Variants in PID1 observed in about 807,000 individuals in gnomAD.
PID1 encodes the protein PTB-containing, cubilin and LRP1-interacting protein.
PID1 carries 10 observed loss-of-function variants against 19.1 expected under a neutral mutation model. That is an observed-to-expected ratio of 0.52 (90% CI 0.32 to 0.89). The LOEUF is 0.89. PID1 is among the 40% of genes least tolerant of loss of function. The pLI is 0.03. For synonymous variants in PID1, 130 were observed against 116.0 expected, an observed-to-expected ratio of 1.12 and a Z score of -0.78; for missense variants, 248 against 285.3, an observed-to-expected ratio of 0.87 and a Z score of 0.94.
At chr2:229,069,420 C>T (rs1304362403) in intron 2 of PID1, among the ~76,000 whole-genome samples, 1 of 151,994 alleles carries the variant, frequency 6.6e-6, no homozygotes, top group Non-Finnish European at 1.5e-5. Flanking sequence ...AGATGAGTCA[C>T]AGGGCCAGAA....
intron 1 of PID1, among the ~76,000 whole-genome samples, chr2:229,248,888 C>T (rs970393226): frequency 5.9e-5 from 9 of 152,014 alleles, no homozygotes. Context: ...CTGAGCACTT[C>T]CTTGCTTTCT....
intron 2 of PID1, among the ~76,000 whole-genome samples, chr2:229,032,531 C>A (rs904498043): frequency 2.6e-5 from 4 of 152,184 alleles, no homozygotes; most frequent in African/African-American, 7.2e-5. Flanking sequence ...TAAAATTGGT[C>A]ACAAAATGTG....
intron 2 of PID1, among the ~76,000 whole-genome samples, chr2:229,144,003 C>T (rs1690073502): frequency 6.6e-6 from 1 of 152,064 alleles, no homozygotes; most frequent in Non-Finnish European, 1.5e-5. Context: ...ATATCTGAAT[C>T]AAATAGGATC....
At chr2:229,261,520 C>G (rs1675298376) in intron 1 of PID1, among the ~76,000 whole-genome samples, 1 of 152,178 alleles carries the variant, frequency 6.6e-6, no homozygotes, top group African/African-American at 2.4e-5. Flanking sequence ...GTGAAACCAT[C>G]AAAGCATGCA....
intron 2 of PID1, among the ~76,000 whole-genome samples, chr2:229,128,046 T>G (rs1362249): frequency 0.022 from 3,279 of 152,164 alleles, 113 homozygotes; most frequent in African/African-American, 0.075. Flanking sequence ...ATGGCAGGGC[T>G]GTGTGTGTCT....
At chr2:229,145,155 G>GTGTTTGTGTGTATATACATATATATATA (rs1391018424) in intron 2 of PID1, among the ~76,000 whole-genome samples, 1 of 119,968 alleles carries the variant, frequency 8.3e-6, no homozygotes, top group African/African-American at 3.2e-5. Context: ...ATATGTATGT[G>GTGTTTGTGTGTATATACATATATATATA]TATATATATA....
intron 2 of PID1, among the ~76,000 whole-genome samples, chr2:229,098,660 C>T (rs1411814605): frequency 1.3e-5 from 2 of 152,148 alleles, no homozygotes; most frequent in Non-Finnish European, 2.9e-5. Context: ...CCTTTCTCAA[C>T]CCATTGTCTA....
At chr2:229,052,437 T>C (rs1694014528) in intron 2 of PID1, among the ~76,000 whole-genome samples, 1 of 152,190 alleles carries the variant, frequency 6.6e-6, no homozygotes, top group Non-Finnish European at 1.5e-5. Context: ...TGTTTAGCAA[T>C]AAAATTTCAT....
Position 229,217,937 on chromosome 2 carries a change from C to T in PID1, c.30+53077G>A, listed in dbSNP as rs114907992. ...CCTCTGAGCCTTTCACTATACTGTG[C>T]TCTCCATCTATAATGACCTGTAAGA... On this transcript the variant is annotated intron_variant, in intron 1 of 2. Transcript: ENST00000392055. Among the ~76,000 whole-genome samples the T allele has an allele frequency of 5.4e-3, 828 of 152,250 alleles. 6 individuals are homozygous for T. Among genetic ancestry groups the T allele is most frequent in the African/African-American group, 0.019 (791 of 41,550 alleles).
chr2:229,189,114 C>T (rs150837495), intron 1 of PID1, among the ~76,000 whole-genome samples: 6 of 152,130 alleles, frequency 3.9e-5, no homozygotes, highest in African/African-American at 7.2e-5. Context: ...TCTCATTTAC[C>T]GTCATACACA....
intron 1 of PID1, among the ~76,000 whole-genome samples, chr2:229,207,059 C>T (rs1691625318): frequency 6.6e-6 from 1 of 151,588 alleles, no homozygotes. Flanking sequence ...TAGCTTGGGT[C>T]TCTATAAGCA....
At chr2:229,234,610 A>G (rs1459853403) in intron 1 of PID1, among the ~76,000 whole-genome samples, 2 of 152,234 alleles carry the variant, frequency 1.3e-5, no homozygotes, top group East Asian at 1.9e-4. Context: ...TATCATTTTA[A>G]GCCAATAAAT....
At chr2:229,270,237 G>T (rs900860452) in intron 1 of PID1, among the ~76,000 whole-genome samples, 1 of 152,194 alleles carries the variant, frequency 6.6e-6, no homozygotes, top group Non-Finnish European at 1.5e-5. Flanking sequence ...GACAATATTT[G>T]CCAGCAAAAG....
At chr2:229,161,211 C>T (rs1690486639) in intron 1 of PID1, among the ~76,000 whole-genome samples, 1 of 152,090 alleles carries the variant, frequency 6.6e-6, no homozygotes, top group African/African-American at 2.4e-5. Flanking sequence ...TGATGTGAGC[C>T]CAGAGCTGCT....
intron 2 of PID1, among the ~76,000 whole-genome samples, chr2:229,044,726 C>T (rs1347724444): frequency 6.6e-6 from 1 of 152,150 alleles, no homozygotes; most frequent in Admixed American, 6.5e-5. Context: ...TCTTGCCAGG[C>T]CCCTCCATTT....
intron 1 of PID1, among the ~76,000 whole-genome samples, chr2:229,208,698 AC>A (rs1203890402): frequency 1.3e-5 from 2 of 152,174 alleles, no homozygotes. Context: ...TTCTTAACGA[AC>A]AAAACTATTA....
At chr2:229,175,411 A>C (rs899251471) in intron 1 of PID1, among the ~76,000 whole-genome samples, 5 of 152,244 alleles carry the variant, frequency 3.3e-5, no homozygotes, top group African/African-American at 1.2e-4. Flanking sequence ...TCACAAGGTC[A>C]TACTTTGCTT....
chr2:229,254,419 C>A (rs773362015), intron 1 of PID1, among the ~76,000 whole-genome samples: 1 of 152,154 alleles, frequency 6.6e-6, no homozygotes, highest in South Asian at 2.1e-4. Context: ...CCCAAGTCTG[C>A]GTTACAATGT....
At chr2:229,175,134 G>A (rs1450273225) in intron 1 of PID1, among the ~76,000 whole-genome samples, 1 of 152,180 alleles carries the variant, frequency 6.6e-6, no homozygotes, top group East Asian at 1.9e-4. Flanking sequence ...TGTCCAAATT[G>A]TAGATTTACA....
Sources: gnomAD v4.1 joint callset for allele counts (sites outside exome capture counted in the v4.1 genomes callset) on GRCh38, gnomAD v4.1.1 for gene constraint, MANE v1.5 for transcripts, NCBI Gene and HGNC (gene_info 2026-07-23, HGNC 2026-07-21) for gene names.